Variants in SMC1B observed in about 807,000 individuals in gnomAD.
SMC1B encodes structural maintenance of chromosomes protein 1B.
A neutral mutation model predicts 157.9 loss-of-function variants in SMC1B; 60 were observed. The ratio of observed to expected loss-of-function variants is 0.38; its 90% CI spans 0.31 to 0.47. The LOEUF (loss-of-function observed/expected upper bound fraction) is 0.47, where lower values mean the gene tolerates loss of function less well. Among genes scored for constraint, SMC1B ranks in the 20% least tolerant of loss-of-function variants. SMC1B has a pLI of 0.99. For synonymous variants in SMC1B, 445 were observed against 483.0 expected, an observed-to-expected ratio of 0.92 and a Z score of 1.03; for missense variants, 1,165 against 1,426.2, an observed-to-expected ratio of 0.82 and a Z score of 2.95.
Position 45,372,239 on chromosome 22 carries a change from C to T in SMC1B, c.2112G>A (p.Leu704=), listed in dbSNP as rs757486082. Residue 704 remains leucine, a synonymous_variant, in exon 13 of 25, where the codon CTG becomes CTA. Transcript: ENST00000357450. ...KETDLKQIQT[L]IQGTQTRLKY... is the part of the protein sequence containing the mutation. ...TGAGTCGTGTTTGAGTTCCCTGTAT[C>T]AGGGTCTGTATTTGTTTCAAATCTG... 17 of 1,611,454 alleles carry T rather than the reference C, an allele frequency of 1.1e-5. No homozygotes were observed. The South Asian group carries it at 1.8e-4, about 17-fold the overall frequency.
intron 21 of SMC1B, among the ~76,000 whole-genome samples, chr22:45,353,017 TC>T (rs2086629798): frequency 6.6e-6 from 1 of 152,208 alleles, no homozygotes; most frequent in Non-Finnish European, 1.5e-5. Flanking sequence ...ATGCCTGTAA[TC>T]CCAGCACGTT....
chr22:45,372,436 G>T, intron 12 of SMC1B, 144 bp from the exon 13 acceptor site: 1 of 664,244 alleles, frequency 1.5e-6, no homozygotes. Context: ...AAGAGACTGG[G>T]CAATTAAGTA....
chr22:45,408,268 G>C (rs2146856657), intron 2 of SMC1B, among the ~76,000 whole-genome samples: 1 of 152,250 alleles, frequency 6.6e-6, no homozygotes, highest in Admixed American at 6.5e-5. Context: ...TGGGACTACA[G>C]GTGCCTGCCA....
chr22:45,412,019 C>G (rs2087341830), intron 1 of SMC1B, among the ~76,000 whole-genome samples: 1 of 151,478 alleles, frequency 6.6e-6, no homozygotes, highest in Non-Finnish European at 1.5e-5. Flanking sequence ...GCTGGTATTA[C>G]AGGCACGTGA....
intron 22 of SMC1B, among the ~76,000 whole-genome samples, chr22:45,350,543 T>C (rs1408293286): frequency 6.6e-6 from 1 of 152,236 alleles, no homozygotes; most frequent in Non-Finnish European, 1.5e-5. Context: ...CCCAAAGTGC[T>C]GGGATTACAG....
chr22:45,408,753 C>A lies in SMC1B; in HGVS notation c.255G>T (p.Val85=). ...SSSASVKIIY[V]EESGEEKTFA... is the part of the protein sequence containing the mutation. Reference sequence around the variant, plus strand: ...ATGTTTTCTCTTCGCCACTTTCCTCCACATATATAATTTTTACACTTGCAG... The same window carrying A: ...ATGTTTTCTCTTCGCCACTTTCCTCAACATATATAATTTTTACACTTGCAG... Residue 85 remains valine (V), a synonymous_variant, in exon 2 of 25, where the codon GTG becomes GTT. Coordinates refer to ENST00000357450, the MANE Select transcript of SMC1B (RefSeq NM_148674.5). 6.3e-7 allele frequency: 1 copy of A among 1,599,318 alleles called. No individual in the cohort carries two copies. Among genetic ancestry groups the A allele is most frequent in the Non-Finnish European group, 8.5e-7 (1 of 1,175,274 alleles).
chr22:45,346,088 C>T (rs1339266755), intron 23 of SMC1B, among the ~76,000 whole-genome samples: 2 of 151,754 alleles, frequency 1.3e-5, no homozygotes, highest in African/African-American at 4.8e-5. Flanking sequence ...GCCTATAATC[C>T]CAGCTACTCG....
chr22:45,363,854 A>AT lies in SMC1B; in HGVS notation c.2421-829dup, dbSNP rs113364308. On this transcript the variant is annotated intron_variant, in intron 15 of 24. Coordinates refer to ENST00000357450, the MANE Select transcript of SMC1B (RefSeq NM_148674.5). ...TATTATTTAGTCTTTTCAAATAACTATTTTTTTTTTTTGAGATGGAGTCTC... is the reference window on the plus strand; with the variant it reads ...TATTATTTAGTCTTTTCAAATAACTATTTTTTTTTTTTTGAGATGGAGTCTC... Among the ~76,000 whole-genome samples the AT allele has an allele frequency of 4.6e-3, 667 of 144,986 alleles. 2 individuals are homozygous for AT. Among genetic ancestry groups the AT allele is most frequent in the Non-Finnish European group, 5.7e-3 (373 of 65,692 alleles).
intron 7 of SMC1B, 148 bp from the exon 8 acceptor site, chr22:45,394,915 A>G (rs1338552198): frequency 1.6e-5 from 16 of 979,256 alleles, no homozygotes; most frequent in Middle Eastern, 3.8e-4. Flanking sequence ...AGAGCAAATT[A>G]CAGATCAGGG....
intron 24 of SMC1B, 145 bp from the exon 25 acceptor site, chr22:45,344,802 T>G: frequency 1.9e-6 from 1 of 520,218 alleles, no homozygotes; most frequent in Non-Finnish European, 3.4e-6. Flanking sequence ...TGGTTGTGGG[T>G]TTTTTTGGTA....
chr22:45,370,343 T>A (rs1030428062), intron 14 of SMC1B, among the ~76,000 whole-genome samples: 8 of 152,244 alleles, frequency 5.3e-5, no homozygotes, highest in Non-Finnish European at 1.2e-4. Flanking sequence ...GAATTCCTTT[T>A]ACTTTAGACC....
At position 45,394,759 on chromosome 22, in the gene SMC1B, T is replaced by G. The variant is rs764374672; in HGVS notation, c.1263A>C (p.Leu421=). 14 of 1,535,022 alleles carry G rather than the reference T, an allele frequency of 9.1e-6. No individual in the cohort carries two copies. ...KRRHGEVQGN[L]KQIKEQIEDH... is the part of the protein sequence containing the mutation. ...CTTCTATTTGTTCTTTTATTTGTTTTAGATTTCCCTAAAAGAGGAAATAAA... is the reference window on the plus strand; with the variant it reads ...CTTCTATTTGTTCTTTTATTTGTTTGAGATTTCCCTAAAAGAGGAAATAAA... The change falls in exon 8 of 25, where the codon CTA becomes CTC. Residue 421 remains leucine, a synonymous_variant. Coordinates refer to ENST00000357450, the MANE Select transcript of SMC1B (RefSeq NM_148674.5).
intron 18 of SMC1B, among the ~76,000 whole-genome samples, chr22:45,359,260 G>A (rs1426169952): frequency 2.6e-5 from 4 of 152,150 alleles, no homozygotes; most frequent in East Asian, 1.9e-4. Context: ...AGGAATGATT[G>A]TACTTCCAGC....
intron 12 of SMC1B, among the ~76,000 whole-genome samples, chr22:45,380,283 G>T (rs1322590525): frequency 2.0e-5 from 3 of 152,102 alleles, no homozygotes; most frequent in African/African-American, 7.2e-5. Flanking sequence ...ATAGGTTAAG[G>T]AGTTACACCC....
At chr22:45,345,644 TG>T in intron 23 of SMC1B, 75 bp from the exon 24 acceptor site, 2 of 889,378 alleles carry the variant, frequency 2.2e-6, no homozygotes, top group Non-Finnish European at 3.8e-6. Flanking sequence ...TAATTCTGCA[TG>T]TCTCTGAGTC....
At chr22:45,394,566 G>GC (rs1373539797) in intron 8 of SMC1B, 119 bp downstream of exon 8, 4 of 1,213,978 alleles carry the variant, frequency 3.3e-6, no homozygotes, top group Non-Finnish European at 4.2e-6. Context: ...AGCCCCGGAA[G>GC]TTGAGGCTAC....
chr22:45,352,703 A>G (rs963250191), intron 21 of SMC1B, 101 bp from the exon 22 acceptor site: 13 of 1,173,592 alleles, frequency 1.1e-5, no homozygotes, highest in East Asian at 7.4e-5. Flanking sequence ...CTTTTCTTCA[A>G]TTTTGATGGA....
chr22:45,384,027 G>A (rs757624522), intron 11 of SMC1B, among the ~76,000 whole-genome samples: 1 of 152,192 alleles, frequency 6.6e-6, no homozygotes, highest in Non-Finnish European at 1.5e-5. Flanking sequence ...TCCCACAGCA[G>A]TGAACAGAAG....
chr22:45,349,666 G>C, intron 23 of SMC1B, 62 bp downstream of exon 23: 1 of 1,452,134 alleles, frequency 6.9e-7, no homozygotes, highest in Non-Finnish European at 9.6e-7. Context: ...ATTTTCCATT[G>C]CTTGCCTCAC....
Sources: gnomAD v4.1 joint callset for allele counts (sites outside exome capture counted in the v4.1 genomes callset) on GRCh38, gnomAD v4.1.1 for gene constraint, MANE v1.5 for transcripts, NCBI Gene and HGNC (gene_info 2026-07-23, HGNC 2026-07-21) for gene names.